SYNJ1: variants seen among roughly 807,000 people sequenced by gnomAD.
SYNJ1 encodes synaptojanin 1.
In SYNJ1, 78 loss-of-function variants were observed where a neutral mutation model predicts 168.2. The ratio of observed to expected loss-of-function variants is 0.46; its 90% CI spans 0.39 to 0.56. The LOEUF is 0.56. SYNJ1 is among the 20% of genes least tolerant of loss of function. The probability of loss-of-function intolerance (pLI) is 0.00; values close to 1 mark genes in which losing one functional copy is unlikely to be tolerated. For synonymous variants in SYNJ1, 539 were observed against 548.6 expected (o/e 0.98, Z 0.24); for missense variants, 1,303 against 1,597.6 (o/e 0.82, Z 3.14).
rs532213076 is a variant in SYNJ1, at chr21:32,630,869, A to T, written c.*936T>A. The T allele has an allele frequency of 2.3e-4, 209 of 889,470 alleles. No individual in the cohort carries two copies. In the African/African-American group the frequency reaches 3.1e-3, roughly 13 times the overall value. The allele number at this position is 889,470 out of a possible 1,614,324, so 55.1% of individuals were successfully genotyped here. A position where few individuals can be genotyped will look rare whatever the true frequency, so the allele number is the denominator to read the frequency against. ...TAGTCCAACTCTGTACACATCAAAT[A>T]GTGGTGTTTTGTGAAGATATCAGTG... On this transcript the variant is annotated 3_prime_UTR_variant, in exon 33 of 33. Transcript: ENST00000674351.
intron 15 of SYNJ1, among the ~76,000 whole-genome samples, chr21:32,668,280 C>T (rs1235617358): frequency 6.6e-6 from 1 of 152,084 alleles, no homozygotes; most frequent in Non-Finnish European, 1.5e-5. Context: ...ATTGGCCAGG[C>T]TGGTCTCAAA....
chr21:32,702,993 C>A (rs1778576264), intron 2 of SYNJ1, among the ~76,000 whole-genome samples: 1 of 152,242 alleles, frequency 6.6e-6, no homozygotes, highest in African/African-American at 2.4e-5. Context: ...GCCTAATACT[C>A]CTTTGTACTT....
intron 13 of SYNJ1, among the ~76,000 whole-genome samples, chr21:32,674,623 G>GT (rs3989187): frequency 1.4e-5 from 2 of 140,788 alleles, no homozygotes; most frequent in Admixed American, 7.0e-5. Flanking sequence ...AATCTCTCCC[G>GT]TTTTTTTTTT....
In SYNJ1 at chr21:32,695,131, G is replaced by T. The variant is rs756965178; in HGVS notation, c.631C>A (p.Arg211=). 1.2e-6 allele frequency: 2 copies of T among 1,614,016 alleles called. No homozygotes were observed. The highest frequency in any genetic ancestry group is 2.2e-5 in the East Asian group (1 of 44,858). ...CGGACATTAAACCTGGTCCCAGCTC[G>T]TTCACAGCTTAATCTTGAAATGAGG... ...ACLISRLSCE[R]AGTRFNVRGT... is the part of the protein sequence containing the mutation. The change falls in exon 5 of 33, where the codon CGA becomes AGA. Residue 211 remains arginine (R), a synonymous_variant. Transcript: ENST00000674351.
chr21:32,645,705 G>A lies in SYNJ1; in HGVS notation c.3332C>T (p.Pro1111Leu). 6.8e-7 allele frequency: 1 copy of A among 1,479,476 alleles called. No homozygotes were observed. Among genetic ancestry groups the A allele is most frequent in the Non-Finnish European group, 8.9e-7 (1 of 1,117,670 alleles). The allele number at this position is 1,479,476 out of a possible 1,614,324, so 91.6% of individuals were successfully genotyped here. A position where few individuals can be genotyped will look rare whatever the true frequency, so the allele number is the denominator to read the frequency against. The change falls in exon 25 of 33, where the codon CCC (proline) becomes CTC (leucine). Residue 1111 changes from proline to leucine, a missense_variant. Physicochemically the swap from Pro to Leu is moderately conservative, Grantham distance 98. Transcript: ENST00000674351. Reference protein sequence around the residue: ...QPLEPKRPPPPRPVAPPTRPA... With the variant: ...QPLEPKRPPPLRPVAPPTRPA... ...GCGTGTGGGAGGGGCGACCGGGCGG[G>A]GCGGCGGCGGCCGCTTGGGCTCCAA... is the stretch of plus-strand genomic sequence containing the variant.
chr21:32,640,295 T>G (rs1439658255), intron 29 of SYNJ1, among the ~76,000 whole-genome samples: 1 of 146,116 alleles, frequency 6.8e-6, no homozygotes, highest in Non-Finnish European at 1.5e-5. Flanking sequence ...CTGAGATTTG[T>G]TTTTTTTTTG....
In SYNJ1 at chr21:32,687,400, G is replaced by GC. The variant is rs113419668; in HGVS notation, c.852-327dup. 7.2e-5 allele frequency among the ~76,000 whole-genome samples: 11 copies of GC among 152,300 alleles called. 1 individual carries two copies. Among genetic ancestry groups the GC allele is most frequent in the African/African-American group, 2.6e-4 (11 of 41,568 alleles). On this transcript the variant is annotated intron_variant, in intron 7 of 32. Coordinates refer to ENST00000674351, the MANE Select transcript of SYNJ1 (RefSeq NM_203446.3). ...ACTGGAAAGGCAGTAAGGGCAGATG[G>GC]CAAAGGGCTGCTGCTCACATGTGAG...
intron 18 of SYNJ1, among the ~76,000 whole-genome samples, chr21:32,662,828 G>T (rs1377494969): frequency 6.6e-6 from 1 of 152,140 alleles, no homozygotes; most frequent in Non-Finnish European, 1.5e-5. Context: ...GGCCCTTCCT[G>T]TACTAAGGGA....
chr21:32,640,057 T>C (rs2039762027), intron 29 of SYNJ1, among the ~76,000 whole-genome samples: 1 of 152,220 alleles, frequency 6.6e-6, no homozygotes, highest in Non-Finnish European at 1.5e-5. Flanking sequence ...GTAGGTATTA[T>C]TTTATCATCT....
chr21:32,698,855 G>C (rs951553688), intron 4 of SYNJ1, among the ~76,000 whole-genome samples: 1 of 152,282 alleles, frequency 6.6e-6, no homozygotes, highest in Middle Eastern at 3.4e-3. Context: ...GGGAATGTTG[G>C]CTTAGAAAGG....
At chr21:32,648,619 G>A (rs1337462440) in intron 23 of SYNJ1, among the ~76,000 whole-genome samples, 1 of 152,124 alleles carries the variant, frequency 6.6e-6, no homozygotes, top group Non-Finnish European at 1.5e-5. Flanking sequence ...GCCTTCTTCT[G>A]TCTATATTTA....
chr21:32,722,927 T>G (rs562711644), intron 2 of SYNJ1, among the ~76,000 whole-genome samples: 52 of 152,304 alleles, frequency 3.4e-4, no homozygotes, highest in Non-Finnish European at 3.1e-4. Context: ...TTATTTTGGA[T>G]AAAATCTGCA....
chr21:32,703,025 T>C lies in SYNJ1; in HGVS notation c.125-978A>G, dbSNP rs558644476. On this transcript the variant is annotated intron_variant, in intron 2 of 32. Transcript: ENST00000674351. ...ACTTTGCATTAGAGATCTTCTACTTTGCCTGAAGCTCTTCTCCAGAGTCCT... is the reference window on the plus strand; with the variant it reads ...ACTTTGCATTAGAGATCTTCTACTTCGCCTGAAGCTCTTCTCCAGAGTCCT... Among the ~76,000 whole-genome samples the C allele has an allele frequency of 2.6e-4, 40 of 152,362 alleles. No individual in the cohort carries two copies. The South Asian group carries it at 7.9e-3, about 30-fold the overall frequency.
In SYNJ1 at chr21:32,697,674, G is replaced by A. The variant is rs533163081; in HGVS notation, c.479+2164C>T. Among the ~76,000 whole-genome samples, 105 of 152,304 alleles carry A rather than the reference G, an allele frequency of 6.9e-4. 1 individual carries two copies. The highest frequency in any genetic ancestry group is 2.4e-3 in the African/African-American group (100 of 41,556). On this transcript the variant is annotated intron_variant, in intron 4 of 32. Transcript: ENST00000674351. ...AATATTAGCCTGCGTGGTGGCGCAC[G>A]CCTGTGGTCCCAGCTACCCAGGAGG...
chr21:32,643,480 C>T (rs1256610960), intron 26 of SYNJ1, 23 bp from the exon 27 acceptor site: 2 of 1,611,452 alleles, frequency 1.2e-6, no homozygotes, highest in African/African-American at 1.3e-5. Flanking sequence ...AGAACAGAAA[C>T]TATATATTGT....
Position 32,654,673 on chromosome 21 carries a change from A to T in SYNJ1, c.2796-1307T>A, listed in dbSNP as rs114906795. Among the ~76,000 whole-genome samples, 641 of 152,240 alleles carry T rather than the reference A, an allele frequency of 4.2e-3. 2 individuals carry two copies. The highest frequency in any genetic ancestry group is 0.014 in the African/African-American group (596 of 41,528). ...TACACATTTCTAACTTTAACAAGGGATTCTGGTTCTTATATCTATTGATTT... is the reference window on the plus strand; with the variant it reads ...TACACATTTCTAACTTTAACAAGGGTTTCTGGTTCTTATATCTATTGATTT... On this transcript the variant is annotated intron_variant, in intron 21 of 32. Transcript: ENST00000674351.
In SYNJ1 at chr21:32,653,348, C is replaced by T. The variant is rs546854566; in HGVS notation, c.2814G>A (p.Met938Ile). The T allele has an allele frequency of 3.7e-5, 60 of 1,613,102 alleles. No individual in the cohort carries two copies. The highest frequency in any genetic ancestry group is 4.7e-5 in the Non-Finnish European group (56 of 1,179,254). ...VILIRFVEDK[M>I]WVTFLEGSSA... Reference sequence around the variant, plus strand: ...AGCTTCCCTCCAAAAATGTAACCCACATTTTATCTTCTACAAATCTTTAAG... The same window carrying T: ...AGCTTCCCTCCAAAAATGTAACCCATATTTTATCTTCTACAAATCTTTAAG... The change falls in exon 22 of 33, where the codon ATG becomes ATA. Residue 938 changes from methionine (M) to isoleucine (I), a missense_variant. Physicochemically the swap from Met to Ile is conservative, Grantham distance 10 (BLOSUM62 1). Coordinates refer to ENST00000674351, the MANE Select transcript of SYNJ1 (RefSeq NM_203446.3).
At position 32,651,687 on chromosome 21, in the gene SYNJ1, G is replaced by GGC. The variant is rs575794710; in HGVS notation, c.2875-1343_2875-1342dup. On this transcript the variant is annotated intron_variant, in intron 22 of 32. Transcript: ENST00000674351. ...GGACTATCCCCTTGGTAGAGACCAG[G>GGC]GCCAAATGAAAAGGAAGAAATTTAG... Among the ~76,000 whole-genome samples, 39 of 152,064 alleles carry GGC rather than the reference G, an allele frequency of 2.6e-4. 1 individual carries two copies. In the East Asian group the frequency reaches 7.3e-3, roughly 29 times the overall value.
intron 4 of SYNJ1, among the ~76,000 whole-genome samples, chr21:32,698,989 T>A (rs568829015): frequency 6.6e-6 from 1 of 152,328 alleles, no homozygotes; most frequent in Admixed American, 6.5e-5. Context: ...AAATGAAAGT[T>A]CAGTGTAGAC....
Sources: gnomAD v4.1 joint callset for allele counts (sites outside exome capture counted in the v4.1 genomes callset) on GRCh38, gnomAD v4.1.1 for gene constraint, MANE v1.5 for transcripts, NCBI Gene and HGNC (gene_info 2026-07-23, HGNC 2026-07-21) for gene names.